The following MSTO1 variants were observed in gnomAD, a reference collection of about 807,000 sequenced individuals.
MSTO1 encodes protein misato homolog 1.
Under a neutral mutation model 55.7 loss-of-function variants are expected in MSTO1, and 24 were observed. That is an observed-to-expected ratio of 0.43 (90% CI 0.31 to 0.61). The LOEUF (loss-of-function observed/expected upper bound fraction) is 0.61, where lower values mean the gene tolerates loss of function less well. MSTO1 is among the 20% of genes least tolerant of loss of function. MSTO1 has a pLI of 0.09. For synonymous variants in MSTO1, 162 were observed against 252.8 expected, an observed-to-expected ratio of 0.64 and a Z score of 3.41; for missense variants, 363 against 625.7, an observed-to-expected ratio of 0.58 and a Z score of 4.48.
upstream of MSTO1, among the ~76,000 whole-genome samples, chr1:155,608,194 C>A (rs1225939453): frequency 6.6e-6 from 1 of 152,186 alleles, no homozygotes; most frequent in Admixed American, 6.5e-5. Flanking sequence ...GAGACAGGGT[C>A]TCCCTCTGTC....
At chr1:155,599,431 C>G in the MSTO1 span, among the ~76,000 whole-genome samples, 1 of 151,802 alleles carries the variant, frequency 6.6e-6, no homozygotes, top group Non-Finnish European at 1.5e-5. Context: ...TATTTTTTGC[C>G]ATCGGTTAAC....
chr1:155,614,957 T>G, downstream of MSTO1: 1 of 941,574 alleles, frequency 1.1e-6, no homozygotes, highest in Non-Finnish European at 1.7e-6. Context: ...CAAAATCTTT[T>G]GTTTATTCCA....
At chr1:155,580,845 G>T in the MSTO1 span, among the ~76,000 whole-genome samples, 20 of 147,870 alleles carry the variant, frequency 1.4e-4, 1 homozygote, top group East Asian at 2.2e-3. Flanking sequence ...GGAGGCAGAG[G>T]TTGCAGTGAG....
chr1:155,600,554 TTC>T, the MSTO1 span, among the ~76,000 whole-genome samples: 2 of 151,074 alleles, frequency 1.3e-5, no homozygotes, highest in Non-Finnish European at 2.9e-5. Flanking sequence ...TATTTTTTCT[TTC>T]TTTTTTTTTG....
At chr1:155,593,729 G>A in the MSTO1 span, among the ~76,000 whole-genome samples, 1 of 152,162 alleles carries the variant, frequency 6.6e-6, no homozygotes, top group Admixed American at 6.5e-5. Context: ...AGCACTTTGG[G>A]AGGCTGAGGT....
chr1:155,590,642 A>G, the MSTO1 span: 1 of 1,407,634 alleles, frequency 7.1e-7, no homozygotes. Flanking sequence ...GTCCCCCGAG[A>G]GATGGCAGGG....
the MSTO1 span, among the ~76,000 whole-genome samples, chr1:155,577,598 G>A: frequency 5.9e-5 from 9 of 152,148 alleles, no homozygotes; most frequent in Non-Finnish European, 1.3e-4. Context: ...TGATGTAAGC[G>A]TATGCCAGTA....
upstream of MSTO1, among the ~76,000 whole-genome samples, chr1:155,608,763 A>G (rs2148977525): frequency 6.6e-6 from 1 of 151,210 alleles, no homozygotes; most frequent in East Asian, 2.0e-4. Flanking sequence ...CGGCCTCCCA[A>G]AGTGCTGGGA....
the MSTO1 span, among the ~76,000 whole-genome samples, chr1:155,570,702 T>G: frequency 6.6e-6 from 1 of 152,182 alleles, no homozygotes; most frequent in Non-Finnish European, 1.5e-5. Flanking sequence ...GCTGTTCATT[T>G]GTTACTGTGC....
chr1:155,606,369 CT>C (rs540201391), upstream of MSTO1, among the ~76,000 whole-genome samples: 37 of 144,670 alleles, frequency 2.6e-4, no homozygotes, highest in Admixed American at 4.2e-4. Context: ...CAAGATACAA[CT>C]TTTTTTTTTC....
chr1:155,586,692 A>G, the MSTO1 span: 1 of 518,636 alleles, frequency 1.9e-6, no homozygotes, highest in East Asian at 5.5e-5. Flanking sequence ...GCTTATCTCT[A>G]GGATCCATAA....
chr1:155,601,127 A>G, the MSTO1 span, among the ~76,000 whole-genome samples: 1 of 149,828 alleles, frequency 6.7e-6, no homozygotes, highest in Non-Finnish European at 1.5e-5. Flanking sequence ...CCTTGCTTGT[A>G]TATTTATTCC....
the MSTO1 span, chr1:155,591,358 G>T: frequency 1.0e-6 from 1 of 969,600 alleles, no homozygotes; most frequent in Non-Finnish European, 1.5e-6. Flanking sequence ...CTTCTAGATT[G>T]GCCCACAAAT....
the MSTO1 span, among the ~76,000 whole-genome samples, chr1:155,575,423 G>A: frequency 6.6e-6 from 1 of 151,868 alleles, no homozygotes; most frequent in Non-Finnish European, 1.5e-5. Flanking sequence ...TTGGAGAAAT[G>A]CCTGCTCAAA....
the MSTO1 span, among the ~76,000 whole-genome samples, chr1:155,587,880 A>G: frequency 6.6e-6 from 1 of 152,042 alleles, no homozygotes; most frequent in African/African-American, 2.4e-5. Context: ...TGAATTAATG[A>G]TAATTCTCCT....
chr1:155,576,191 A>G, the MSTO1 span, among the ~76,000 whole-genome samples: 1 of 152,038 alleles, frequency 6.6e-6, no homozygotes, highest in Non-Finnish European at 1.5e-5. Context: ...GAGATAAGTT[A>G]AGTTCTATGT....
At chr1:155,598,984 CT>C in the MSTO1 span, 1 of 908,258 alleles carries the variant, frequency 1.1e-6, no homozygotes, top group Admixed American at 2.3e-5. Context: ...AGTCTTGTAG[CT>C]TTAATTTTCT....
chr1:155,590,497 A>G, the MSTO1 span: 1 of 549,898 alleles, frequency 1.8e-6, no homozygotes, highest in Non-Finnish European at 3.1e-6. Context: ...CAAAAGAAAA[A>G]TAGAAGGAGG....
At chr1:155,573,416 T>G in the MSTO1 span, among the ~76,000 whole-genome samples, 1 of 151,678 alleles carries the variant, frequency 6.6e-6, no homozygotes. Flanking sequence ...GATAGAAAAA[T>G]TAGCTGGGAA....
Sources: gnomAD v4.1 joint callset for allele counts (sites outside exome capture counted in the v4.1 genomes callset) on GRCh38, gnomAD v4.1.1 for gene constraint, MANE v1.5 for transcripts, NCBI Gene and HGNC (gene_info 2026-07-23, HGNC 2026-07-21) for gene names.